The following TM9SF3 variants were observed in gnomAD, a reference collection of about 807,000 sequenced individuals.
TM9SF3 encodes the protein transmembrane 9 superfamily member 3, also known as SM-11044-binding protein.
A neutral mutation model predicts 78.6 loss-of-function variants in TM9SF3; 14 were observed. The observed-to-expected ratio is 0.18, with a 90% CI of 0.12 to 0.28. The LOEUF (loss-of-function observed/expected upper bound fraction) is 0.28, where lower values mean the gene tolerates loss of function less well. Ranked by LOEUF, TM9SF3 falls within the 10% of genes least tolerant of loss-of-function variation. TM9SF3 has a pLI of 1.00. For synonymous variants in TM9SF3, 231 were observed against 241.7 expected, an observed-to-expected ratio of 0.96 and a Z score of 0.41; for missense variants, 496 against 721.9, an observed-to-expected ratio of 0.69 and a Z score of 3.59.
intron 14 of TM9SF3, 24 bp downstream of exon 14, chr10:96,527,189 T>C: frequency 6.3e-7 from 1 of 1,582,580 alleles, no homozygotes. Context: ...TTACTCATGA[T>C]GTTCAAAGAA....
At chr10:96,571,009 G>A (rs757296386) in intron 2 of TM9SF3, among the ~76,000 whole-genome samples, 17 of 152,174 alleles carry the variant, frequency 1.1e-4, no homozygotes, top group Admixed American at 5.9e-4. Flanking sequence ...AAAGTGCTGG[G>A]ATTACAGGCC....
At position 96,518,800 on chromosome 10, in the gene TM9SF3, T is replaced by G. The variant is rs1564924747; in HGVS notation, c.*3463A>C. On this transcript the variant is annotated 3_prime_UTR_variant, in exon 15 of 15. Coordinates refer to ENST00000371142, the MANE Select transcript of TM9SF3 (RefSeq NM_020123.4). ...GTTTATTTCTGTACACACTTCCAAATACTCTTCATAAATTTTCACTTCTGA... is the reference window on the plus strand; with the variant it reads ...GTTTATTTCTGTACACACTTCCAAAGACTCTTCATAAATTTTCACTTCTGA... 1 of 152,072 alleles carries G rather than the reference T, an allele frequency of 6.6e-6. No individual in the cohort carries two copies. The highest frequency in any genetic ancestry group is 1.9e-4 in the East Asian group (1 of 5,174). The allele number at this position is 152,072 out of a possible 1,614,324, so 9.4% of individuals were successfully genotyped here. A position where few individuals can be genotyped will look rare whatever the true frequency, so the allele number is the denominator to read the frequency against.
At chr10:96,528,212 CT>C in intron 11 of TM9SF3, 35 bp from the exon 12 acceptor site, 1 of 1,577,734 alleles carries the variant, frequency 6.3e-7, no homozygotes, top group Non-Finnish European at 8.6e-7. Flanking sequence ...GGTTTCCAGT[CT>C]TTATTCTTAA....
chr10:96,536,104 C>A (rs980815468), intron 9 of TM9SF3, among the ~76,000 whole-genome samples: 3 of 151,642 alleles, frequency 2.0e-5, no homozygotes, highest in African/African-American at 7.3e-5. Context: ...GATCGAACAC[C>A]CATTCAAAAT....
chr10:96,569,464 T>C (rs1848414968), intron 2 of TM9SF3, among the ~76,000 whole-genome samples: 1 of 152,208 alleles, frequency 6.6e-6, no homozygotes, highest in Non-Finnish European at 1.5e-5. Context: ...GAAAAACTGA[T>C]ATATTCACAG....
chr10:96,570,761 T>C (rs568652722), intron 2 of TM9SF3, among the ~76,000 whole-genome samples: 2 of 151,916 alleles, frequency 1.3e-5, no homozygotes, highest in Non-Finnish European at 2.9e-5. Context: ...ACAAAAAAAA[T>C]TGAGATGGAG....
chr10:96,549,547 T>C (rs1450055006), intron 7 of TM9SF3, among the ~76,000 whole-genome samples: 1 of 152,164 alleles, frequency 6.6e-6, no homozygotes, highest in Non-Finnish European at 1.5e-5. Flanking sequence ...AGGGTTGATG[T>C]GAAGATTAAG....
intron 2 of TM9SF3, among the ~76,000 whole-genome samples, chr10:96,575,512 C>T (rs901222369): frequency 6.6e-6 from 1 of 151,898 alleles, no homozygotes; most frequent in African/African-American, 2.4e-5. Flanking sequence ...CTATTTTCAA[C>T]AATAACTGAG....
In TM9SF3 at chr10:96,551,285, T is replaced by C. The variant is rs370403938; in HGVS notation, c.919A>G (p.Ile307Val). The part of the protein sequence containing the change: ...SGCQIFAVSL[I>V]VIIVAMIEDL... ...TCTATCATTGCAACAATAATAACGA[T>C]GAGAGACACAGCAAATATCTGACAT... Residue 307 changes from isoleucine (I) to valine (V), a missense_variant, in exon 7 of 15, where the codon ATC becomes GTC. By Grantham distance (29) the Ile-to-Val change is conservative. Around this residue, in one of 4 missense-constraint regions of TM9SF3, gnomAD observed 280 missense variants for 422.6 expected, o/e 0.66. Transcript: ENST00000371142. 9 of 1,612,474 alleles carry C rather than the reference T, an allele frequency of 5.6e-6. No homozygotes were observed. Among genetic ancestry groups the C allele is most frequent in the South Asian group, 1.1e-5 (1 of 91,048 alleles).
At chr10:96,560,096 G>A in intron 4 of TM9SF3, 1 of 630,322 alleles carries the variant, frequency 1.6e-6, no homozygotes. Flanking sequence ...TCTGCCTGGT[G>A]TAATTCTGTC....
chr10:96,528,244 A>C (rs1248071185), intron 11 of TM9SF3, 67 bp from the exon 12 acceptor site: 2 of 1,432,866 alleles, frequency 1.4e-6, no homozygotes, highest in East Asian at 5.0e-5. Context: ...GCTCTTCGTG[A>C]GTCTCACATT....
At chr10:96,551,193 A>T in intron 7 of TM9SF3, 52 bp downstream of exon 7, 1 of 1,410,936 alleles carries the variant, frequency 7.1e-7, no homozygotes, top group Non-Finnish European at 9.5e-7. Flanking sequence ...TCCAGTGATT[A>T]AAACTATTTA....
At chr10:96,552,794 T>A in intron 6 of TM9SF3, 134 bp downstream of exon 6, 1 of 848,750 alleles carries the variant, frequency 1.2e-6, no homozygotes, top group East Asian at 3.4e-5. Flanking sequence ...ATTTTACATC[T>A]TTCTTAACTC....
intron 2 of TM9SF3, among the ~76,000 whole-genome samples, chr10:96,570,433 T>C (rs1848426391): frequency 2.0e-5 from 3 of 152,196 alleles, no homozygotes; most frequent in African/African-American, 7.2e-5. Context: ...GAAAAATATA[T>C]ATGCATATAT....
At chr10:96,575,086 T>G (rs764125088) in intron 2 of TM9SF3, among the ~76,000 whole-genome samples, 18 of 151,704 alleles carry the variant, frequency 1.2e-4, no homozygotes, top group Admixed American at 5.3e-4. Context: ...AAAAAAAGAT[T>G]GCTGAATTAA....
rs1046278346 is a variant in TM9SF3, at chr10:96,560,455, G to T, written c.583-719C>A. On this transcript the variant is annotated intron_variant, in intron 4 of 14. Coordinates refer to ENST00000371142, the MANE Select transcript of TM9SF3 (RefSeq NM_020123.4). ...GCACAGCCAACGGTTTCCCTTGGGGGCTTTGAAATCACACCACCAGTGCTT... is the reference window on the plus strand; with the variant it reads ...GCACAGCCAACGGTTTCCCTTGGGGTCTTTGAAATCACACCACCAGTGCTT... The T allele has an allele frequency of 3.7e-5, 28 of 757,486 alleles. No individual in the cohort carries two copies. In the East Asian group the frequency reaches 6.2e-4, roughly 17 times the overall value. The allele number at this position is 757,486 out of a possible 1,614,324, so 46.9% of individuals were successfully genotyped here. A position where few individuals can be genotyped will look rare whatever the true frequency, so the allele number is the denominator to read the frequency against.
chr10:96,558,069 T>C (rs1039545918), intron 5 of TM9SF3, among the ~76,000 whole-genome samples: 2 of 152,174 alleles, frequency 1.3e-5, no homozygotes, highest in Non-Finnish European at 2.9e-5. Flanking sequence ...CAGTATACCA[T>C]TCCATAGTGA....
chr10:96,564,663 C>A (rs756390532), intron 3 of TM9SF3, among the ~76,000 whole-genome samples: 1 of 152,082 alleles, frequency 6.6e-6, no homozygotes, highest in Non-Finnish European at 1.5e-5. Context: ...TACATAACAG[C>A]AGATTTCCAG....
At chr10:96,586,587 C>T in intron 1 of TM9SF3, 147 bp downstream of exon 1, 1 of 589,920 alleles carries the variant, frequency 1.7e-6, no homozygotes, top group Non-Finnish European at 2.4e-6. Context: ...TCCCAAGGTT[C>T]CTGCTCCGCC....
Sources: allele counts gnomAD v4.1 joint callset (sites outside exome capture counted in the v4.1 genomes callset), GRCh38; gene constraint gnomAD v4.1.1; regional missense constraint gnomAD v4.1.1; transcripts MANE v1.5; gene names NCBI Gene and HGNC (gene_info 2026-07-23, HGNC 2026-07-21).